The following ANKIB1 variants were observed in gnomAD, a reference collection of about 807,000 sequenced individuals.
ANKIB1 encodes ankyrin repeat and IBR domain-containing protein 1.
In ANKIB1, 43 loss-of-function variants were observed where a neutral mutation model predicts 122.1. That is an observed-to-expected ratio of 0.35 (90% CI 0.28 to 0.45). The LOEUF is 0.45. Among genes scored for constraint, ANKIB1 ranks in the 20% least tolerant of loss-of-function variants. ANKIB1 has a pLI of 1.00. For synonymous variants in ANKIB1, 390 were observed against 442.0 expected, an observed-to-expected ratio of 0.88 and a Z score of 1.48; for missense variants, 992 against 1,329.5, an observed-to-expected ratio of 0.75 and a Z score of 3.95.
At chr7:92,285,234 C>T (rs997199456) in intron 1 of ANKIB1, among the ~76,000 whole-genome samples, 12 of 152,078 alleles carry the variant, frequency 7.9e-5, no homozygotes, top group Admixed American at 7.2e-4. Flanking sequence ...AGGCTGATCT[C>T]GAACTCCTGA....
At chr7:92,329,353 T>A (rs1803106853) in intron 5 of ANKIB1, among the ~76,000 whole-genome samples, 4 of 152,124 alleles carry the variant, frequency 2.6e-5, no homozygotes, top group Admixed American at 2.6e-4. Context: ...TTAATATAAA[T>A]AAGAATTGCC....
intron 5 of ANKIB1, among the ~76,000 whole-genome samples, chr7:92,337,774 C>A (rs543317765): frequency 6.6e-6 from 1 of 152,088 alleles, no homozygotes; most frequent in Admixed American, 6.5e-5. Context: ...CAGTTGTACA[C>A]CTTGTTGTAA....
At chr7:92,387,476 A>C (rs2115697699) in intron 12 of ANKIB1, among the ~76,000 whole-genome samples, 1 of 152,058 alleles carries the variant, frequency 6.6e-6, no homozygotes, top group Non-Finnish European at 1.5e-5. Context: ...TCTCTACTAA[A>C]AATACAAAAA....
At chr7:92,256,312 A>G (rs1305336378) in intron 1 of ANKIB1, among the ~76,000 whole-genome samples, 1 of 152,170 alleles carries the variant, frequency 6.6e-6, no homozygotes, top group African/African-American at 2.4e-5. Flanking sequence ...ATGGAATTGG[A>G]CAAGATCAGA....
intron 3 of ANKIB1, among the ~76,000 whole-genome samples, chr7:92,309,940 A>ATATATATATATATATATATAT (rs57536267): frequency 3.3e-4 from 35 of 105,250 alleles, no homozygotes; most frequent in African/African-American, 1.3e-3. Flanking sequence ...AAAAAAAAAA[A>ATATATATATATATATATATAT]AAATATATAT....
rs1274310515 is a variant in ANKIB1 at position 92,399,063 on chromosome 7, A to C, written c.*114A>C. ...TCCAACTCAGTGATAAACCACTGAC[A>C]TTAGGGTTGAATACAGAGAAGTTCC... On this transcript the variant is annotated 3_prime_UTR_variant, in exon 20 of 20. Transcript: ENST00000265742. The C allele has an allele frequency of 8.3e-7, 1 of 1,208,204 alleles. No individual in the cohort carries two copies. The highest frequency in any genetic ancestry group is 1.1e-6 in the Non-Finnish European group (1 of 905,646). The allele number at this position is 1,208,204 out of a possible 1,614,324, so 74.8% of individuals were successfully genotyped here.
chr7:92,387,754 C>T (rs748061467), intron 12 of ANKIB1, 44 bp from the exon 13 acceptor site: 5 of 1,451,290 alleles, frequency 3.4e-6, no homozygotes, highest in Non-Finnish European at 4.8e-6. Context: ...ATTTTAGTAG[C>T]TACTAGTTTT....
chr7:92,254,662 AT>A (rs1257262858), intron 1 of ANKIB1, among the ~76,000 whole-genome samples: 3 of 151,640 alleles, frequency 2.0e-5, no homozygotes, highest in African/African-American at 7.3e-5. Flanking sequence ...ATCTTTACTC[AT>A]TTTTTCTTGT....
chr7:92,325,743 C>G (rs188359430), intron 4 of ANKIB1, among the ~76,000 whole-genome samples: 2 of 151,830 alleles, frequency 1.3e-5, no homozygotes, highest in African/African-American at 2.4e-5. Flanking sequence ...TATGTGACAG[C>G]CTTTCTGAAA....
rs764966957 is a variant in ANKIB1, at chr7:92,336,164, ACTAT to A, written c.788-6857_788-6854del. 2.6e-5 allele frequency among the ~76,000 whole-genome samples: 4 copies of A among 152,148 alleles called. 1 individual carries two copies. ...AATCAGCCATATGTATTTTAAATAA[ACTAT>A]CTTTTTTCTCTGTTCTTCAGATTGG... On this transcript the variant is annotated intron_variant, in intron 5 of 19. Transcript: ENST00000265742.
chr7:92,296,300 G>A lies in ANKIB1; in HGVS notation c.188+1134G>A, dbSNP rs531490646. Among the ~76,000 whole-genome samples, 7 of 151,794 alleles carry A rather than the reference G, an allele frequency of 4.6e-5. No individual in the cohort carries two copies. In the South Asian group the frequency reaches 6.2e-4, roughly 14 times the overall value. On this transcript the variant is annotated intron_variant, in intron 2 of 19. Transcript: ENST00000265742. ...TGTAGTGGTGTGATCATAATTTGCT[G>A]TAACCTCATACTTCTAGACTCAAGC...
chr7:92,283,952 G>A (rs1802060633), intron 1 of ANKIB1, among the ~76,000 whole-genome samples: 1 of 152,030 alleles, frequency 6.6e-6, no homozygotes, highest in Non-Finnish European at 1.5e-5. Context: ...TGTATTTTTA[G>A]TAGGGACGGG....
At chr7:92,364,527 C>A (rs1284786787) in intron 10 of ANKIB1, among the ~76,000 whole-genome samples, 1 of 152,036 alleles carries the variant, frequency 6.6e-6, no homozygotes, top group Non-Finnish European at 1.5e-5. Flanking sequence ...TATTTTCTTG[C>A]TTCTGGCAGC....
chr7:92,334,397 G>A (rs1803242125), intron 5 of ANKIB1, among the ~76,000 whole-genome samples: 1 of 151,986 alleles, frequency 6.6e-6, no homozygotes, highest in Admixed American at 6.6e-5. Flanking sequence ...TTGAATGGCA[G>A]CAATGAGAAA....
In ANKIB1 at chr7:92,253,672, C is replaced by CT. The variant is rs892485665; in HGVS notation, c.-91+7163dup. ...ACATACCATATTAAATATTCTACAC[C>CT]TTTTTTTTTTACTTATCTAGAAAAC... On this transcript the variant is annotated intron_variant, in intron 1 of 19. Coordinates refer to ENST00000265742, the MANE Select transcript of ANKIB1 (RefSeq NM_019004.2). Among the ~76,000 whole-genome samples the CT allele has an allele frequency of 3.6e-3, 538 of 149,194 alleles. 4 individuals are homozygous for CT. Among genetic ancestry groups the CT allele is most frequent in the African/African-American group, 0.011 (466 of 40,772 alleles).
At chr7:92,295,480 A>G (rs983634617) in intron 2 of ANKIB1, among the ~76,000 whole-genome samples, 2 of 152,108 alleles carry the variant, frequency 1.3e-5, no homozygotes, top group Non-Finnish European at 2.9e-5. Context: ...TTTGATCCTC[A>G]TTATGTTTCA....
At position 92,308,869 on chromosome 7, in the gene ANKIB1, T is replaced by G. The variant is rs569906018; in HGVS notation, c.486+1213T>G. 3.9e-5 allele frequency among the ~76,000 whole-genome samples: 6 copies of G among 152,282 alleles called. No individual in the cohort carries two copies. In the South Asian group the frequency reaches 1.2e-3, roughly 32 times the overall value. On this transcript the variant is annotated intron_variant, in intron 3 of 19. Coordinates refer to ENST00000265742, the MANE Select transcript of ANKIB1 (RefSeq NM_019004.2). ...TATTAGACTGGATTACAGAGTATCTTTATTACTAAAAGTATATACCTTTAT... is the reference window on the plus strand; with the variant it reads ...TATTAGACTGGATTACAGAGTATCTGTATTACTAAAAGTATATACCTTTAT...
rs374350430 is a variant in ANKIB1 at position 92,288,766 on chromosome 7, C to T, written c.-90-6123C>T. ...TGGCAAATAAGCATGAAAGCATGTT[C>T]GACATCATTCATCATTAGGGAAATG... On this transcript the variant is annotated intron_variant, in intron 1 of 19. Coordinates refer to ENST00000265742, the MANE Select transcript of ANKIB1 (RefSeq NM_019004.2). Among the ~76,000 whole-genome samples the T allele has an allele frequency of 5.3e-5, 8 of 151,894 alleles. No individual in the cohort carries two copies. The East Asian group carries it at 5.8e-4, about 11-fold the overall frequency.
Position 92,400,071 on chromosome 7 carries a change from T to C in ANKIB1, c.*1122T>C, listed in dbSNP as rs1034414168. 8 of 152,202 alleles carry C rather than the reference T, an allele frequency of 5.3e-5. No homozygotes were observed. Among genetic ancestry groups the C allele is most frequent in the Non-Finnish European group, 1.2e-4 (8 of 68,032 alleles). 9.4% of individuals were successfully genotyped at this position (152,202 alleles called of 1,614,324 possible). ...CAGTTAAATAAGTGAGTAATTCAAA[T>C]TTCAATGTCTCTTCTGAAGTAACTA... On this transcript the variant is annotated 3_prime_UTR_variant, in exon 20 of 20. Transcript: ENST00000265742.
Sources: allele counts gnomAD v4.1 joint callset (sites outside exome capture counted in the v4.1 genomes callset), GRCh38; gene constraint gnomAD v4.1.1; transcripts MANE v1.5; gene names NCBI Gene and HGNC (gene_info 2026-07-23, HGNC 2026-07-21).